Variants in NBAS observed in about 807,000 individuals in gnomAD.
NBAS encodes the protein NAG/BC035112 fusion.
In NBAS, 219 loss-of-function variants were observed where a neutral mutation model predicts 302.5. That is an observed-to-expected ratio of 0.72 (90% CI 0.65 to 0.81). The LOEUF is 0.81. NBAS is among the 30% of genes least tolerant of loss of function. The pLI is 0.00. For synonymous variants in NBAS, 1,118 were observed against 1,021.6 expected (o/e 1.09, Z -1.80); for missense variants, 2,932 against 2,841.6 (o/e 1.03, Z -0.72).
At chr2:15,113,439 G>C in the NBAS span, among the ~76,000 whole-genome samples, 2 of 149,686 alleles carry the variant, frequency 1.3e-5, no homozygotes, top group African/African-American at 4.9e-5. Flanking sequence ...AAACAAACCA[G>C]GACATCTTGG....
the NBAS span, among the ~76,000 whole-genome samples, chr2:14,943,705 T>A: frequency 9.2e-5 from 14 of 152,100 alleles, no homozygotes; most frequent in African/African-American, 3.1e-4. Flanking sequence ...AATGTTGGAG[T>A]CAGAATTGAA....
intron 48 of NBAS, 28 bp from the exon 49 acceptor site, chr2:15,190,431 T>C (rs1419511060): frequency 3.1e-6 from 5 of 1,613,220 alleles, no homozygotes; most frequent in Non-Finnish European, 4.2e-6. Context: ...CACTTAAAGC[T>C]GGTGGCAAAG....
At chr2:15,449,793 G>C (rs2148535601) in intron 21 of NBAS, among the ~76,000 whole-genome samples, 1 of 152,286 alleles carries the variant, frequency 6.6e-6, no homozygotes, top group South Asian at 2.1e-4. Flanking sequence ...ATTCCACTCT[G>C]TTAAGTACTC....
intron 21 of NBAS, among the ~76,000 whole-genome samples, chr2:15,441,195 A>C (rs1159655382): frequency 6.6e-6 from 1 of 152,174 alleles, no homozygotes. Flanking sequence ...ACTCCAAGAC[A>C]CATAATTGTC....
chr2:15,044,874 C>T, the NBAS span, among the ~76,000 whole-genome samples: 2 of 152,186 alleles, frequency 1.3e-5, no homozygotes, highest in Non-Finnish European at 2.9e-5. Context: ...GTGCTTTGAA[C>T]ATTTAGCCTT....
intron 29 of NBAS, among the ~76,000 whole-genome samples, chr2:15,382,194 C>CT (rs1482750225): frequency 6.6e-6 from 1 of 152,108 alleles, no homozygotes; most frequent in Non-Finnish European, 1.5e-5. Context: ...TCTGACTTGG[C>CT]AATTGGACAC....
the NBAS span, among the ~76,000 whole-genome samples, chr2:15,144,689 A>G: frequency 1.3e-5 from 2 of 152,220 alleles, no homozygotes; most frequent in Non-Finnish European, 2.9e-5. Context: ...AAAAAAAGGC[A>G]GCAGAATAGA....
At position 15,327,814 on chromosome 2, in the gene NBAS, T is replaced by C; in HGVS notation, c.4518A>G (p.Val1506=). 1.2e-6 allele frequency: 2 copies of C among 1,613,734 alleles called. No homozygotes were observed. The highest frequency in any genetic ancestry group is 1.7e-5 in the Admixed American group (1 of 59,982). Residue 1506 remains valine, a synonymous_variant, in exon 38 of 52, where the codon GTA becomes GTG. Transcript: ENST00000281513. ...CTGCCAATTTTCCAGTTCTCAGCAA[T>C]ACTTCTGCAAAGCTTTCCACTGGAA... ...QHVPVESFAE[V]LLRTGKLAEA...
chr2:14,789,114 G>A, the NBAS span, among the ~76,000 whole-genome samples: 5 of 152,200 alleles, frequency 3.3e-5, no homozygotes, highest in East Asian at 1.9e-4. Flanking sequence ...ATGAGGCTCC[G>A]TGGGCATAGG....
In NBAS at chr2:15,309,160, G is replaced by A. The variant is rs768637391; in HGVS notation, c.4659+11C>T. 6.2e-7 allele frequency: 1 copy of A among 1,608,544 alleles called. No individual in the cohort carries two copies. Among genetic ancestry groups the A allele is most frequent in the Non-Finnish European group, 8.5e-7 (1 of 1,175,720 alleles). The stretch of plus-strand genomic sequence containing the variant: ...TCATTTTAAATTCTTCATTGGTAAG[G>A]GCAAACTTACTTGTGGTAAGGCAAG... On this transcript the variant is annotated intron_variant, in intron 39 of 51. Coordinates refer to ENST00000281513, the MANE Select transcript of NBAS (RefSeq NM_015909.4).
intron 4 of NBAS, 37 bp downstream of exon 4, chr2:15,554,024 T>C (rs1558435096): frequency 2.0e-6 from 3 of 1,523,168 alleles, no homozygotes; most frequent in South Asian, 2.3e-5. Flanking sequence ...TAAAAGCTAA[T>C]CCAGACAGAA....
chr2:14,947,620 C>T, the NBAS span, among the ~76,000 whole-genome samples: 4 of 152,046 alleles, frequency 2.6e-5, no homozygotes, highest in African/African-American at 9.6e-5. Context: ...ATTTGGATGC[C>T]CTTTATTTCT....
chr2:15,313,890 TATTACTCTTTCTA>T (rs1671388371), intron 38 of NBAS, among the ~76,000 whole-genome samples: 3 of 152,230 alleles, frequency 2.0e-5, no homozygotes, highest in Admixed American at 6.5e-5. Context: ...TCTGGCTTTC[TATTACTCTTTCTA>T]GGAAACTATG....
chr2:15,461,909 T>C, intron 19 of NBAS, 118 bp from the exon 20 acceptor site: 1 of 657,164 alleles, frequency 1.5e-6, no homozygotes, highest in East Asian at 2.8e-5. Flanking sequence ...CTGAATTAAT[T>C]AATTTCAACC....
the NBAS span, among the ~76,000 whole-genome samples, chr2:14,863,946 G>A: frequency 6.6e-6 from 1 of 152,168 alleles, no homozygotes; most frequent in African/African-American, 2.4e-5. Flanking sequence ...AGTGGCATTT[G>A]AGGGCAAAAG....
the NBAS span, among the ~76,000 whole-genome samples, chr2:15,155,211 A>C: frequency 6.6e-6 from 1 of 152,138 alleles, no homozygotes; most frequent in East Asian, 1.9e-4. Flanking sequence ...AAAGATGAAA[A>C]TCTTTACCTC....
chr2:14,870,265 T>C, the NBAS span, among the ~76,000 whole-genome samples: 3 of 152,250 alleles, frequency 2.0e-5, no homozygotes, highest in South Asian at 6.2e-4. Flanking sequence ...CAGGACAGTG[T>C]ACTCAAAAGC....
the NBAS span, among the ~76,000 whole-genome samples, chr2:14,928,938 T>C: frequency 6.6e-6 from 1 of 152,162 alleles, no homozygotes; most frequent in African/African-American, 2.4e-5. Flanking sequence ...GAGGAGAGCT[T>C]TCCAAGGATC....
the NBAS span, among the ~76,000 whole-genome samples, chr2:14,914,548 C>A: frequency 6.6e-6 from 1 of 152,170 alleles, no homozygotes; most frequent in African/African-American, 2.4e-5. Context: ...TGTCAAGGAG[C>A]AGTATTTAGC....
Sources: allele counts gnomAD v4.1 joint callset (sites outside exome capture counted in the v4.1 genomes callset), GRCh38; gene constraint gnomAD v4.1.1; transcripts MANE v1.5; gene names NCBI Gene and HGNC (gene_info 2026-07-23, HGNC 2026-07-21).